NUP58: variants seen among roughly 807,000 people sequenced by gnomAD.
The protein encoded by NUP58 is nucleoporin p58/p45.
In NUP58, 17 loss-of-function variants were observed where a neutral mutation model predicts 70.1. The ratio of observed to expected loss-of-function variants is 0.24; its 90% CI spans 0.17 to 0.36. NUP58 has a LOEUF of 0.36. Among genes scored for constraint, NUP58 ranks in the 10% least tolerant of loss-of-function variants. The pLI, the probability that NUP58 is intolerant of heterozygous loss-of-function variation, is 1.00. For synonymous variants in NUP58, 275 were observed against 257.6 expected (o/e 1.07, Z -0.65); for missense variants, 644 against 701.5 (o/e 0.92, Z 0.93).
At position 25,341,607 on chromosome 13, in the gene NUP58, G is replaced by A. The variant is rs1004568110; in HGVS notation, c.*1473G>A. On this transcript the variant is annotated 3_prime_UTR_variant, in exon 16 of 16. Coordinates refer to ENST00000381736, the MANE Select transcript of NUP58 (RefSeq NM_014089.4). ...CATTATAACAGTGAACAGAGCTCCA[G>A]GTAATAACGCATAGGCATGTCAGGT... 34 of 152,580 alleles carry A rather than the reference G, an allele frequency of 2.2e-4. No individual in the cohort carries two copies. Among genetic ancestry groups the A allele is most frequent in the African/African-American group, 8.0e-4 (33 of 41,430 alleles). 9.5% of individuals were successfully genotyped at this position (152,580 alleles called of 1,614,324 possible). A position where few individuals can be genotyped will look rare whatever the true frequency, so the allele number is the denominator to read the frequency against.
At chr13:25,324,273 G>GTAA (rs1342939248) in intron 9 of NUP58, among the ~76,000 whole-genome samples, 1 of 152,160 alleles carries the variant, frequency 6.6e-6, no homozygotes, top group Non-Finnish European at 1.5e-5. Context: ...TAAAGTTAAA[G>GTAA]TAACTCTTTG....
chr13:25,331,264 A>G (rs559219916), intron 12 of NUP58, 93 bp from the exon 13 acceptor site: 1 of 1,169,998 alleles, frequency 8.5e-7, no homozygotes, highest in East Asian at 2.5e-5. Flanking sequence ...TAATATTGGG[A>G]CTGTCTTTGG....
intron 9 of NUP58, among the ~76,000 whole-genome samples, chr13:25,321,435 CCA>C (rs2031179930): frequency 6.6e-6 from 1 of 152,158 alleles, no homozygotes; most frequent in Non-Finnish European, 1.5e-5. Flanking sequence ...TAATCCAACT[CCA>C]GAGTTTATGC....
chr13:25,312,153 A>AG (rs1156750999), intron 3 of NUP58, among the ~76,000 whole-genome samples: 3 of 152,154 alleles, frequency 2.0e-5, no homozygotes, highest in Non-Finnish European at 1.5e-5. Context: ...AGAGAGCTAC[A>AG]GAAAAAAAGG....
chr13:25,334,007 G>T, intron 13 of NUP58: 1 of 985,280 alleles, frequency 1.0e-6, no homozygotes, highest in Non-Finnish European at 1.2e-6. Context: ...AGAGGAGGAG[G>T]AATAGACTTA....
intron 13 of NUP58, chr13:25,332,024 T>C (rs903206695): frequency 9.9e-7 from 1 of 1,012,808 alleles, no homozygotes; most frequent in African/African-American, 1.7e-5. Flanking sequence ...AAGTATGCTT[T>C]TATTGACTGA....
intron 3 of NUP58, among the ~76,000 whole-genome samples, chr13:25,310,475 C>A (rs1306443347): frequency 1.4e-5 from 2 of 148,132 alleles, no homozygotes; most frequent in African/African-American, 5.0e-5. Context: ...CCGCCTTGGC[C>A]TTCCGAAGTG....
At chr13:25,330,443 A>G (rs1378726220) in intron 12 of NUP58, among the ~76,000 whole-genome samples, 5 of 152,180 alleles carry the variant, frequency 3.3e-5, no homozygotes, top group Non-Finnish European at 7.4e-5. Flanking sequence ...ACTATAAACA[A>G]CAGTAAGATT....
At chr13:25,335,387 A>T in intron 13 of NUP58, 1 of 985,422 alleles carries the variant, frequency 1.0e-6, no homozygotes, top group Middle Eastern at 5.2e-4. Flanking sequence ...TTCCACCAGC[A>T]GTGCCTCCTA....
chr13:25,319,147 AAAATGCTTT>A (rs2031071131), intron 6 of NUP58, among the ~76,000 whole-genome samples, 170 bp from the exon 7 acceptor site: 1 of 152,216 alleles, frequency 6.6e-6, no homozygotes, highest in Admixed American at 6.5e-5. Flanking sequence ...ATGTCTTCAT[AAAATGCTTT>A]GCTTCTGAGT....
downstream of NUP58, among the ~76,000 whole-genome samples, chr13:25,345,979 A>G (rs891171735): frequency 1.1e-4 from 16 of 152,190 alleles, no homozygotes; most frequent in African/African-American, 3.9e-4. Context: ...CAAAGGTTTC[A>G]TTGCTGACAA....
intron 6 of NUP58, among the ~76,000 whole-genome samples, chr13:25,316,805 C>G (rs1417908575): frequency 1.3e-5 from 2 of 152,288 alleles, no homozygotes; most frequent in African/African-American, 4.8e-5. Context: ...AATCTCCCCT[C>G]CTCTGCCCCT....
At chr13:25,310,206 A>ATTTTT (rs796547133) in intron 3 of NUP58, among the ~76,000 whole-genome samples, 609 of 47,484 alleles carry the variant, frequency 0.013, 25 homozygotes, top group African/African-American at 0.037. Context: ...CCCTTGGCTA[A>ATTTTT]TTTTTTTTTT....
intron 14 of NUP58, among the ~76,000 whole-genome samples, chr13:25,337,736 C>G (rs886263175): frequency 6.6e-6 from 1 of 152,026 alleles, no homozygotes; most frequent in African/African-American, 2.4e-5. Context: ...TAAGCTATTA[C>G]GGTTGTTTAA....
At chr13:25,313,845 C>A in intron 5 of NUP58, 94 bp downstream of exon 5, 1 of 1,004,426 alleles carries the variant, frequency 1.0e-6, no homozygotes, top group Non-Finnish European at 1.4e-6. Context: ...ACTTTTTAAT[C>A]TGCATATTTT....
chr13:25,314,019 C>T (rs894721099), intron 5 of NUP58, among the ~76,000 whole-genome samples: 17 of 152,120 alleles, frequency 1.1e-4, no homozygotes, highest in Non-Finnish European at 2.4e-4. Flanking sequence ...ACCTCCACCT[C>T]CAGGGTTCAA....
At chr13:25,321,190 A>G (rs2031170388) in intron 9 of NUP58, 97 bp downstream of exon 9, 1 of 1,068,166 alleles carries the variant, frequency 9.4e-7, no homozygotes. Context: ...TTTAATTATG[A>G]AATTTGATAC....
chr13:25,306,746 TC>T (rs1284892109), intron 1 of NUP58, among the ~76,000 whole-genome samples: 14 of 152,338 alleles, frequency 9.2e-5, no homozygotes, highest in Admixed American at 8.5e-4. Context: ...CAGTTTGTCT[TC>T]CCACCTTTTC....
intron 3 of NUP58, among the ~76,000 whole-genome samples, chr13:25,311,197 C>T (rs1244445349): frequency 6.6e-6 from 1 of 152,012 alleles, no homozygotes; most frequent in Non-Finnish European, 1.5e-5. Flanking sequence ...GCTTAGAAAT[C>T]AGAGGTGGAA....
Sources: gnomAD v4.1 joint callset for allele counts (sites outside exome capture counted in the v4.1 genomes callset) on GRCh38, gnomAD v4.1.1 for gene constraint, MANE v1.5 for transcripts, NCBI Gene and HGNC (gene_info 2026-07-23, HGNC 2026-07-21) for gene names.